The following STXBP5L variants were observed in gnomAD, a reference collection of about 807,000 sequenced individuals.
STXBP5L encodes syntaxin-binding protein 5-like.
In STXBP5L, 65 loss-of-function variants were observed where a neutral mutation model predicts 144.5. The observed-to-expected ratio is 0.45, with a 90% CI of 0.37 to 0.55. The LOEUF is 0.55. Among genes scored for constraint, STXBP5L ranks in the 20% least tolerant of loss-of-function variants. The pLI, the probability that STXBP5L is intolerant of heterozygous loss-of-function variation, is 0.00. For synonymous variants in STXBP5L, 505 were observed against 469.6 expected, an observed-to-expected ratio of 1.08 and a Z score of -0.97; for missense variants, 1,298 against 1,405.5, an observed-to-expected ratio of 0.92 and a Z score of 1.22.
chr3:121,224,618 A>T (rs1034791640), intron 11 of STXBP5L, among the ~76,000 whole-genome samples: 8 of 152,170 alleles, frequency 5.3e-5, no homozygotes, highest in Admixed American at 2.0e-4. Flanking sequence ...GAGTATAAAT[A>T]ATGTATTAAT....
intron 18 of STXBP5L, 92 bp downstream of exon 18, chr3:121,259,260 A>T: frequency 9.7e-7 from 1 of 1,028,150 alleles, no homozygotes; most frequent in South Asian, 3.8e-5. Flanking sequence ...AAATGAAAAG[A>T]AGCCCTTACC....
At chr3:121,399,088 A>G (rs1205824102) in intron 22 of STXBP5L, among the ~76,000 whole-genome samples, 2 of 152,070 alleles carry the variant, frequency 1.3e-5, no homozygotes, top group Non-Finnish European at 1.5e-5. Flanking sequence ...CTCCTTTTCC[A>G]CTTTAGTTTT....
At chr3:120,974,253 A>G (rs1940657349) in intron 3 of STXBP5L, among the ~76,000 whole-genome samples, 1 of 152,076 alleles carries the variant, frequency 6.6e-6, no homozygotes, top group South Asian at 2.1e-4. Flanking sequence ...GTGAGATGGT[A>G]TCTCATTGTG....
At chr3:121,402,716 T>G (rs552108194) in intron 22 of STXBP5L, among the ~76,000 whole-genome samples, 1 of 152,304 alleles carries the variant, frequency 6.6e-6, no homozygotes, top group African/African-American at 2.4e-5. Flanking sequence ...TCAAGTGGGC[T>G]CTTATGCTGC....
At chr3:121,055,076 TTGAGA>T (rs1386073218) in intron 5 of STXBP5L, among the ~76,000 whole-genome samples, 2 of 152,204 alleles carry the variant, frequency 1.3e-5, no homozygotes, top group Admixed American at 6.5e-5. Context: ...GCTGACAGAT[TTGAGA>T]TAAGTTTTAA....
chr3:121,211,569 T>C (rs1030767331), intron 10 of STXBP5L, among the ~76,000 whole-genome samples: 1 of 127,828 alleles, frequency 7.8e-6, no homozygotes, highest in African/African-American at 3.0e-5. Flanking sequence ...TTCCTGACTT[T>C]TTTTCTTTCT....
At chr3:121,348,804 T>G (rs1349863496) in intron 20 of STXBP5L, among the ~76,000 whole-genome samples, 1 of 152,070 alleles carries the variant, frequency 6.6e-6, no homozygotes, top group Non-Finnish European at 1.5e-5. Context: ...GGCGGTGATA[T>G]CCCCTTTATC....
intron 20 of STXBP5L, among the ~76,000 whole-genome samples, chr3:121,362,681 T>C (rs772718100): frequency 1.3e-5 from 2 of 152,084 alleles, no homozygotes; most frequent in African/African-American, 4.8e-5. Flanking sequence ...CTAAGAGTCA[T>C]GTCCTGGAAT....
At chr3:120,986,951 C>A (rs1441827430) in intron 3 of STXBP5L, among the ~76,000 whole-genome samples, 1 of 151,744 alleles carries the variant, frequency 6.6e-6, no homozygotes. Flanking sequence ...CTGTGGGACA[C>A]CATCAAGTGG....
intron 3 of STXBP5L, among the ~76,000 whole-genome samples, chr3:120,962,156 T>A (rs899884761): frequency 2.2e-4 from 34 of 152,160 alleles, no homozygotes; most frequent in Non-Finnish European, 3.5e-4. Context: ...GTTTGAGTTC[T>A]TTGTAGATTC....
chr3:121,288,024 G>T (rs1168238542), intron 19 of STXBP5L, among the ~76,000 whole-genome samples: 3 of 152,162 alleles, frequency 2.0e-5, no homozygotes, highest in Non-Finnish European at 4.4e-5. Context: ...TGTAGGAACT[G>T]ACAAACTGAT....
intron 3 of STXBP5L, among the ~76,000 whole-genome samples, chr3:120,989,482 C>CT (rs1248919233): frequency 2.6e-5 from 4 of 151,886 alleles, no homozygotes; most frequent in East Asian, 1.9e-4. Context: ...AATGGGTTTG[C>CT]TTTTTTTGCT....
At chr3:121,344,784 A>G (rs1025067866) in intron 20 of STXBP5L, among the ~76,000 whole-genome samples, 1 of 151,844 alleles carries the variant, frequency 6.6e-6, no homozygotes, top group Non-Finnish European at 1.5e-5. Context: ...TACTAATTTC[A>G]CCTTTCATAA....
At chr3:121,304,627 A>G (rs2043274984) in intron 19 of STXBP5L, among the ~76,000 whole-genome samples, 1 of 152,158 alleles carries the variant, frequency 6.6e-6, no homozygotes, top group Non-Finnish European at 1.5e-5. Flanking sequence ...CTTAAAAAAG[A>G]AATTACAAAG....
intron 22 of STXBP5L, among the ~76,000 whole-genome samples, chr3:121,390,324 G>T (rs2046548014): frequency 1.3e-5 from 2 of 152,060 alleles, no homozygotes; most frequent in Admixed American, 6.6e-5. Context: ...ACACTGATGG[G>T]TCTTGACTCT....
chr3:121,059,012 A>G (rs991514542), intron 5 of STXBP5L, among the ~76,000 whole-genome samples: 1 of 151,922 alleles, frequency 6.6e-6, no homozygotes, highest in African/African-American at 2.4e-5. Flanking sequence ...TTTTGTTTCC[A>G]TTGCTTTTGG....
chr3:120,924,087 G>A (rs546742510), intron 2 of STXBP5L, among the ~76,000 whole-genome samples: 1 of 152,192 alleles, frequency 6.6e-6, no homozygotes, highest in East Asian at 1.9e-4. Context: ...CAAATCAGTA[G>A]TTATTACTAT....
intron 5 of STXBP5L, among the ~76,000 whole-genome samples, chr3:121,097,595 G>A (rs1483332494): frequency 1.3e-5 from 2 of 152,128 alleles, no homozygotes; most frequent in East Asian, 1.9e-4. Context: ...GCACTTCCTG[G>A]GTGAGGCGAT....
At chr3:121,065,344 G>T (rs2041491078) in intron 5 of STXBP5L, among the ~76,000 whole-genome samples, 1 of 151,912 alleles carries the variant, frequency 6.6e-6, no homozygotes, top group Non-Finnish European at 1.5e-5. Context: ...GTAAATGGTA[G>T]TTGTATATAC....
Sources: gnomAD v4.1 joint callset for allele counts (sites outside exome capture counted in the v4.1 genomes callset) on GRCh38, gnomAD v4.1.1 for gene constraint, MANE v1.5 for transcripts, NCBI Gene and HGNC (gene_info 2026-07-23, HGNC 2026-07-21) for gene names.